Variants in RPS6KC1 observed in about 807,000 individuals in gnomAD.
RPS6KC1 encodes inactive ribosomal protein S6 kinase delta-1.
Under a neutral mutation model 103.8 loss-of-function variants are expected in RPS6KC1, and 54 were observed. That is an observed-to-expected ratio of 0.52 (90% CI 0.42 to 0.65). The LOEUF is 0.65. Among genes scored for constraint, RPS6KC1 ranks in the 30% least tolerant of loss-of-function variants. The pLI is 0.00. For synonymous variants in RPS6KC1, 439 were observed against 438.7 expected, an observed-to-expected ratio of 1.00 and a Z score of -0.01; for missense variants, 1,151 against 1,253.8, an observed-to-expected ratio of 0.92 and a Z score of 1.24.
the RPS6KC1 span, among the ~76,000 whole-genome samples, chr1:213,859,191 A>G: frequency 6.6e-6 from 1 of 152,234 alleles, no homozygotes; most frequent in Non-Finnish European, 1.5e-5. Context: ...GAAAGAGAGA[A>G]TCTCACAAGA....
At chr1:213,700,871 A>G in the RPS6KC1 span, among the ~76,000 whole-genome samples, 910 of 152,150 alleles carry the variant, frequency 6.0e-3, 10 homozygotes, top group South Asian at 0.019. Flanking sequence ...CTGTTGGCAT[A>G]TAGAAATGCT....
chr1:213,853,379 A>G, the RPS6KC1 span, among the ~76,000 whole-genome samples: 1 of 152,116 alleles, frequency 6.6e-6, no homozygotes. Context: ...ACAGTCCTTA[A>G]CCCCTTTGAG....
the RPS6KC1 span, among the ~76,000 whole-genome samples, chr1:213,427,659 T>C: frequency 6.6e-6 from 1 of 152,232 alleles, no homozygotes; most frequent in Non-Finnish European, 1.5e-5. Flanking sequence ...AAAAATGTCC[T>C]AGTGCAGAGA....
chr1:213,084,357 C>T (rs1310349956), intron 3 of RPS6KC1, among the ~76,000 whole-genome samples: 1 of 152,152 alleles, frequency 6.6e-6, no homozygotes, highest in Non-Finnish European at 1.5e-5. Context: ...GAAGCCTCGA[C>T]TTCCCAGACT....
chr1:213,317,015 A>AT, the RPS6KC1 span, among the ~76,000 whole-genome samples: 66 of 152,060 alleles, frequency 4.3e-4, no homozygotes, highest in Non-Finnish European at 8.1e-4. Context: ...GCCGTAATAG[A>AT]TTTGGGCTTT....
At chr1:213,831,598 A>G in the RPS6KC1 span, among the ~76,000 whole-genome samples, 2 of 152,232 alleles carry the variant, frequency 1.3e-5, no homozygotes, top group Non-Finnish European at 2.9e-5. Flanking sequence ...GCAGGAGGAA[A>G]CTAATATAGC....
intron 8 of RPS6KC1, among the ~76,000 whole-genome samples, chr1:213,190,277 T>C (rs1164252797): frequency 6.6e-6 from 1 of 152,136 alleles, no homozygotes; most frequent in Non-Finnish European, 1.5e-5. Flanking sequence ...ACCAAGAGTA[T>C]GAGGGCTCCC....
intron 2 of RPS6KC1, among the ~76,000 whole-genome samples, chr1:213,072,468 A>G (rs2078975510): frequency 6.6e-6 from 1 of 151,854 alleles, no homozygotes; most frequent in African/African-American, 2.4e-5. Flanking sequence ...GAACTGCTTG[A>G]ACCTGGGAGG....
the RPS6KC1 span, among the ~76,000 whole-genome samples, chr1:213,602,027 TCTCTTTC>T: frequency 6.8e-4 from 11 of 16,134 alleles, 1 homozygote; most frequent in African/African-American, 2.0e-3. Flanking sequence ...TTTCTTTCTT[TCTCTTTC>T]TCTTTCTTTC....
the RPS6KC1 span, among the ~76,000 whole-genome samples, chr1:213,481,211 G>T: frequency 6.6e-6 from 1 of 152,136 alleles, no homozygotes; most frequent in Middle Eastern, 3.4e-3. Context: ...CTGAAGATTT[G>T]GTAAAACTAG....
chr1:213,858,889 A>G, the RPS6KC1 span, among the ~76,000 whole-genome samples: 2 of 152,194 alleles, frequency 1.3e-5, no homozygotes, highest in African/African-American at 4.8e-5. Flanking sequence ...TGACCCTTTC[A>G]AAGGTTAAAT....
At chr1:213,094,623 G>A (rs771138187) in intron 3 of RPS6KC1, among the ~76,000 whole-genome samples, 7 of 152,156 alleles carry the variant, frequency 4.6e-5, no homozygotes, top group Admixed American at 1.3e-4. Context: ...GAGAGAGACA[G>A]GCAGCTCCCA....
At chr1:213,615,138 T>C in the RPS6KC1 span, among the ~76,000 whole-genome samples, 1 of 152,260 alleles carries the variant, frequency 6.6e-6, no homozygotes, top group African/African-American at 2.4e-5. Flanking sequence ...TGTGACCTGG[T>C]AAGTTGATTT....
chr1:213,537,825 A>C, the RPS6KC1 span, among the ~76,000 whole-genome samples: 1 of 152,194 alleles, frequency 6.6e-6, no homozygotes, highest in Non-Finnish European at 1.5e-5. Context: ...TGAGATGTTT[A>C]GATTATTGAT....
At chr1:213,242,482 T>G (rs2094379035) in intron 11 of RPS6KC1, 87 bp from the exon 12 acceptor site, 2 of 1,191,720 alleles carry the variant, frequency 1.7e-6, no homozygotes, top group Admixed American at 1.9e-5. Flanking sequence ...GATACTGTTT[T>G]TAGCTACAAA....
chr1:213,286,733 G>C, the RPS6KC1 span, among the ~76,000 whole-genome samples: 1 of 152,192 alleles, frequency 6.6e-6, no homozygotes, highest in Non-Finnish European at 1.5e-5. Flanking sequence ...TCAATGGATG[G>C]ATACAGGCAT....
the RPS6KC1 span, among the ~76,000 whole-genome samples, chr1:213,520,018 A>G: frequency 6.6e-6 from 1 of 152,212 alleles, no homozygotes; most frequent in South Asian, 2.1e-4. Context: ...ATAAAGGATT[A>G]ACATCTTTAT....
the RPS6KC1 span, among the ~76,000 whole-genome samples, chr1:213,637,076 A>G: frequency 1.3e-5 from 2 of 152,192 alleles, no homozygotes; most frequent in Admixed American, 6.6e-5. Context: ...ACCATCTCAC[A>G]CCAGTTAGAA....
At chr1:213,802,872 A>ACCGGGAAT in the RPS6KC1 span, among the ~76,000 whole-genome samples, 3 of 152,160 alleles carry the variant, frequency 2.0e-5, no homozygotes, top group East Asian at 5.8e-4. Flanking sequence ...TAGTGAAAGA[A>ACCGGGAAT]CCGGGAATGT....
Sources: allele counts gnomAD v4.1 joint callset (sites outside exome capture counted in the v4.1 genomes callset), GRCh38; gene constraint gnomAD v4.1.1; transcripts MANE v1.5; gene names NCBI Gene and HGNC (gene_info 2026-07-23, HGNC 2026-07-21).